Variants in RFX3 observed in about 807,000 individuals in gnomAD.
RFX3 encodes regulatory factor X3, also known as transcription factor RFX3.
Under a neutral mutation model 98.6 loss-of-function variants are expected in RFX3, and 14 were observed. The ratio of observed to expected loss-of-function variants is 0.14; its 90% confidence interval spans 0.09 to 0.22. The LOEUF is 0.22. Among genes scored for constraint, RFX3 ranks in the 10% least tolerant of loss-of-function variants. The pLI is 1.00. For missense variants in RFX3, 639 were observed against 926.9 expected (o/e 0.69, Z 4.03); for synonymous variants, 383 against 328.4 (o/e 1.17, Z -1.80).
intron 1 of RFX3, among the ~76,000 whole-genome samples, chr9:3,405,037 T>C (rs988769967): frequency 6.6e-6 from 1 of 152,210 alleles, no homozygotes; most frequent in Non-Finnish European, 1.5e-5. Context: ...TTCTTATTTT[T>C]CACACTCATT....
intron 4 of RFX3, among the ~76,000 whole-genome samples, chr9:3,327,607 T>G (rs1832069570): frequency 6.6e-6 from 1 of 151,482 alleles, no homozygotes; most frequent in East Asian, 1.9e-4. Context: ...TTTTCTTATT[T>G]AAAAAAACGC....
chr9:3,376,579 C>T (rs374607653), intron 2 of RFX3, among the ~76,000 whole-genome samples: 1 of 152,092 alleles, frequency 6.6e-6, no homozygotes, highest in Admixed American at 6.5e-5. Context: ...GTACAAAAGC[C>T]AAAATTGACA....
chr9:3,350,056 G>A (rs747677156), intron 2 of RFX3, among the ~76,000 whole-genome samples: 3 of 152,016 alleles, frequency 2.0e-5, no homozygotes, highest in African/African-American at 4.8e-5. Flanking sequence ...ATAACCTTGG[G>A]TTTGGTGATG....
intron 1 of RFX3, among the ~76,000 whole-genome samples, chr9:3,455,388 C>G (rs1847059500): frequency 1.3e-5 from 2 of 152,176 alleles, no homozygotes; most frequent in Admixed American, 1.3e-4. Context: ...CCTTCCCTTA[C>G]TAAGCAAATC....
chr9:3,363,802 CCAAATATGGG>C, intron 2 of RFX3, among the ~76,000 whole-genome samples: 1 of 152,144 alleles, frequency 6.6e-6, no homozygotes, highest in Non-Finnish European at 1.5e-5. Flanking sequence ...CAGTGTTTCC[CCAAATATGGG>C]AATAATGATA....
At chr9:3,231,407 T>C (rs1818424795) in intron 15 of RFX3, among the ~76,000 whole-genome samples, 1 of 152,152 alleles carries the variant, frequency 6.6e-6, no homozygotes, top group South Asian at 2.1e-4. Flanking sequence ...GTTCACTTAC[T>C]CATTTAGTCA....
chr9:3,507,601 C>T lies in RFX3; in HGVS notation c.-9+18146G>A, dbSNP rs531415139. Among the ~76,000 whole-genome samples, 6 of 151,984 alleles carry T rather than the reference C, an allele frequency of 3.9e-5. No homozygotes were observed. The South Asian group carries it at 1.2e-3, about 31-fold the overall frequency. ...CATAATACAGTTGTCCCTCCGTAAC[C>T]ATGGGGAATTGGTTCCAGGACCTCC... is the stretch of plus-strand genomic sequence containing the variant. On this transcript the variant is annotated intron_variant, in intron 1 of 16. Transcript: ENST00000617270.
chr9:3,469,054 A>G (rs1848558251), intron 1 of RFX3: 17 of 374,678 alleles, frequency 4.5e-5, no homozygotes, highest in South Asian at 3.0e-4. Flanking sequence ...GCATCTCCAG[A>G]TAAATTCATT....
At chr9:3,379,624 A>G (rs1838950496) in intron 2 of RFX3, among the ~76,000 whole-genome samples, 1 of 152,188 alleles carries the variant, frequency 6.6e-6, no homozygotes, top group Non-Finnish European at 1.5e-5. Flanking sequence ...AATAGATTCA[A>G]TTTGTAGTTT....
chr9:3,315,249 C>A (rs930329924), intron 4 of RFX3, among the ~76,000 whole-genome samples: 8 of 151,750 alleles, frequency 5.3e-5, no homozygotes, highest in Admixed American at 3.3e-4. Context: ...TACATGGAAA[C>A]TGAACAACCT....
chr9:3,450,276 T>A (rs1487848630), intron 1 of RFX3, among the ~76,000 whole-genome samples: 1 of 152,188 alleles, frequency 6.6e-6, no homozygotes, highest in African/African-American at 2.4e-5. Context: ...AAATCTCAAT[T>A]CTGGTGTCAG....
intron 1 of RFX3, among the ~76,000 whole-genome samples, chr9:3,408,113 T>A (rs1842120963): frequency 6.6e-6 from 1 of 152,194 alleles, no homozygotes; most frequent in Admixed American, 6.5e-5. Flanking sequence ...AATGAGCTTG[T>A]TTCAGTGAGC....
At chr9:3,256,535 G>A (rs1269026459) in intron 14 of RFX3, among the ~76,000 whole-genome samples, 1 of 152,128 alleles carries the variant, frequency 6.6e-6, no homozygotes, top group Non-Finnish European at 1.5e-5. Flanking sequence ...CTAAGAATTT[G>A]CATTTCTAAC....
chr9:3,517,765 T>A (rs991184731), intron 1 of RFX3, among the ~76,000 whole-genome samples: 4 of 152,102 alleles, frequency 2.6e-5, no homozygotes, highest in Non-Finnish European at 5.9e-5. Flanking sequence ...AAAACCACAC[T>A]CAAATTACAT....
At chr9:3,479,709 T>C (rs1195095585) in intron 1 of RFX3, among the ~76,000 whole-genome samples, 1 of 152,196 alleles carries the variant, frequency 6.6e-6, no homozygotes, top group Non-Finnish European at 1.5e-5. Context: ...TTGTCTTACT[T>C]GGCTGACTGA....
At chr9:3,387,452 A>G (rs1338878588) in intron 2 of RFX3, among the ~76,000 whole-genome samples, 1 of 152,120 alleles carries the variant, frequency 6.6e-6, no homozygotes, top group African/African-American at 2.4e-5. Context: ...TCATTTTTTA[A>G]CTATTCAGTA....
chr9:3,270,241 G>GCAAA, intron 11 of RFX3, 130 bp downstream of exon 11: 3 of 903,434 alleles, frequency 3.3e-6, no homozygotes, highest in Non-Finnish European at 5.0e-6. Context: ...AATATTCTGT[G>GCAAA]TTGCATGTTT....
In RFX3 at chr9:3,461,708, AAT is replaced by A. The variant is rs952536469; in HGVS notation, c.-9+64037_-9+64038del. Among the ~76,000 whole-genome samples, 6 of 152,134 alleles carry A rather than the reference AAT, an allele frequency of 3.9e-5. No homozygotes were observed. The South Asian group carries it at 1.2e-3, about 32-fold the overall frequency. On this transcript the variant is annotated intron_variant, in intron 1 of 16. Transcript: ENST00000617270. ...ATGTTTACATGAACGAAAACAAAATAATATAAGTATTAACATCTCTGTGAATA... is the reference window on the plus strand; with the variant it reads ...ATGTTTACATGAACGAAAACAAAATAATAAGTATTAACATCTCTGTGAATA...
intron 15 of RFX3, among the ~76,000 whole-genome samples, chr9:3,246,100 A>T (rs1820628862): frequency 6.6e-6 from 1 of 152,234 alleles, no homozygotes; most frequent in African/African-American, 2.4e-5. Context: ...CTATAAAATT[A>T]GTCTGAATTT....
Sources: gnomAD v4.1 joint callset for allele counts (sites outside exome capture counted in the v4.1 genomes callset) on GRCh38, gnomAD v4.1.1 for gene constraint, MANE v1.5 for transcripts, NCBI Gene and HGNC (gene_info 2026-07-23, HGNC 2026-07-21) for gene names.